SND1: variants seen among roughly 807,000 people sequenced by gnomAD.
The protein encoded by SND1 is staphylococcal nuclease domain-containing protein 1.
In SND1, 38 loss-of-function variants were observed where a neutral mutation model predicts 121.7. That is an observed-to-expected ratio of 0.31 (90% CI 0.24 to 0.41). The LOEUF (loss-of-function observed/expected upper bound fraction) is 0.41, where lower values mean the gene tolerates loss of function less well. Ranked by LOEUF, SND1 falls within the 10% of genes least tolerant of loss-of-function variation. The pLI, the probability that SND1 is intolerant of heterozygous loss-of-function variation, is 1.00. For missense variants in SND1, 868 were observed against 1,184.6 expected, an observed-to-expected ratio of 0.73 and a Z score of 3.92; for synonymous variants, 401 against 447.4, an observed-to-expected ratio of 0.90 and a Z score of 1.31.
chr7:127,858,017 T>C, intron 12 of SND1: 1 of 1,452,328 alleles, frequency 6.9e-7, no homozygotes, highest in South Asian at 1.1e-5. Flanking sequence ...TTCTCCCACT[T>C]ATATTCCCAC....
intron 16 of SND1, among the ~76,000 whole-genome samples, chr7:128,045,098 A>G (rs1352575223): frequency 6.6e-6 from 1 of 152,244 alleles, no homozygotes; most frequent in Non-Finnish European, 1.5e-5. Flanking sequence ...AGAAAAAAGC[A>G]AAAGGAGCTC....
At chr7:127,695,320 T>C (rs1363919300) in intron 3 of SND1, among the ~76,000 whole-genome samples, 1 of 152,216 alleles carries the variant, frequency 6.6e-6, no homozygotes. Flanking sequence ...ATCTATCTTG[T>C]GGCTTTTCTT....
chr7:127,739,080 C>A (rs1327441655), intron 10 of SND1, among the ~76,000 whole-genome samples: 1 of 152,126 alleles, frequency 6.6e-6, no homozygotes, highest in Non-Finnish European at 1.5e-5. Context: ...TGAAACAGAG[C>A]AGTGGGTTTG....
intron 10 of SND1, among the ~76,000 whole-genome samples, chr7:127,769,605 T>A (rs1409633903): frequency 6.6e-6 from 1 of 152,166 alleles, no homozygotes; most frequent in African/African-American, 2.4e-5. Context: ...GTTTATTCCA[T>A]GTATCTTGTT....
chr7:128,029,027 CAG>C lies in SND1; in HGVS notation c.1779+37974_1779+37975del. On this transcript the variant is annotated intron_variant, in intron 16 of 23. Coordinates refer to ENST00000354725, the MANE Select transcript of SND1 (RefSeq NM_014390.4). The surrounding 1 kb of genome is among the most constrained non-coding windows in gnomAD (Gnocchi z 4.2). ...AGACAATCAACATGGCGGCAGCTAG[CAG>C]AGTCACTGCCACAAAGCAGCCAATG... The C allele has an allele frequency of 6.2e-7, 1 of 1,613,984 alleles. No homozygotes were observed. Among genetic ancestry groups the C allele is most frequent in the Non-Finnish European group, 8.5e-7 (1 of 1,179,984 alleles).
At chr7:127,755,576 C>T (rs527402874) in intron 10 of SND1, among the ~76,000 whole-genome samples, 1 of 152,194 alleles carries the variant, frequency 6.6e-6, no homozygotes, top group African/African-American at 2.4e-5. Context: ...GGTGCTTTGG[C>T]ATTTGGGAGT....
intron 14 of SND1, among the ~76,000 whole-genome samples, chr7:127,911,285 G>A (rs1304036177): frequency 1.3e-5 from 2 of 152,184 alleles, no homozygotes; most frequent in Non-Finnish European, 2.9e-5. Context: ...TGCCAAAGTG[G>A]CAGCCACCTC....
intron 15 of SND1, among the ~76,000 whole-genome samples, chr7:127,983,787 G>A (rs6467154): frequency 0.059 from 8,941 of 152,146 alleles, 773 homozygotes; most frequent in African/African-American, 0.19. Context: ...TGTAAGCAGA[G>A]GAGTGGACTT....
In SND1 at chr7:127,750,285, C is replaced by G. The variant is rs559658075; in HGVS notation, c.1152+28885C>G. 2.6e-4 allele frequency among the ~76,000 whole-genome samples: 39 copies of G among 152,248 alleles called. 2 individuals are homozygous for G. The highest frequency in any genetic ancestry group is 9.4e-4 in the African/African-American group (39 of 41,552). ...AGGGCTGAAGGTTGATTTGGAGGAT[C>G]TGTAGGTCTTCCCTATGCTGGTTCT... On this transcript the variant is annotated intron_variant, in intron 10 of 23. Transcript: ENST00000354725.
At chr7:127,735,721 G>A (rs904648454) in intron 10 of SND1, among the ~76,000 whole-genome samples, 2 of 152,108 alleles carry the variant, frequency 1.3e-5, no homozygotes, top group African/African-American at 2.4e-5. Flanking sequence ...CCACCTCCCG[G>A]GTTCAAGTGA....
chr7:127,715,008 T>C (rs750490092), intron 9 of SND1, among the ~76,000 whole-genome samples: 5 of 152,218 alleles, frequency 3.3e-5, no homozygotes, highest in Admixed American at 6.5e-5. Context: ...ATTTTGAGTT[T>C]GTACCCAAAA....
At chr7:128,070,457 C>T (rs1308088473) in intron 16 of SND1, among the ~76,000 whole-genome samples, 5 of 152,242 alleles carry the variant, frequency 3.3e-5, no homozygotes, top group African/African-American at 1.2e-4. Flanking sequence ...TCACCTAAGT[C>T]ACCTAAGGCC....
chr7:127,837,607 C>T (rs1401737766), intron 11 of SND1, among the ~76,000 whole-genome samples: 2 of 152,202 alleles, frequency 1.3e-5, no homozygotes, highest in Admixed American at 1.3e-4. Context: ...GAGGTAAGCT[C>T]AGAGCATGCC....
chr7:127,840,259 A>C (rs1431383207), intron 11 of SND1, among the ~76,000 whole-genome samples: 2 of 152,218 alleles, frequency 1.3e-5, no homozygotes, highest in Non-Finnish European at 2.9e-5. Flanking sequence ...TTCTAGAGTG[A>C]AATGATGCTC....
rs11768922 is a variant in SND1, at chr7:127,911,630, T to C, written c.1527+6811T>C. Among the ~76,000 whole-genome samples, 388 of 152,306 alleles carry C rather than the reference T, an allele frequency of 2.5e-3. 1 individual carries two copies. The highest frequency in any genetic ancestry group is 4.1e-3 in the Non-Finnish European group (279 of 68,024). On this transcript the variant is annotated intron_variant, in intron 14 of 23. Coordinates refer to ENST00000354725, the MANE Select transcript of SND1 (RefSeq NM_014390.4). ...TCTGCCTCCCAGGTTCAAGCAATTCTCCTGCCTCAGCCTCCTGAGTAGCTG... is the reference window on the plus strand; with the variant it reads ...TCTGCCTCCCAGGTTCAAGCAATTCCCCTGCCTCAGCCTCCTGAGTAGCTG...
chr7:128,072,203 G>A (rs1793425220), intron 16 of SND1, among the ~76,000 whole-genome samples: 1 of 152,196 alleles, frequency 6.6e-6, no homozygotes, highest in African/African-American at 2.4e-5. Flanking sequence ...TGCCTGGTTG[G>A]TTGCCTCTGC....
Position 127,677,110 on chromosome 7 carries a change from T to C in SND1, c.79-9503T>C, listed in dbSNP as rs963218036. 4.6e-5 allele frequency among the ~76,000 whole-genome samples: 7 copies of C among 152,312 alleles called. No individual in the cohort carries two copies. In the East Asian group the frequency reaches 7.7e-4, roughly 17 times the overall value. The stretch of plus-strand genomic sequence containing the variant: ...CTATTGTACATACTCTTCCAGTCTT[T>C]ATAGCAGACCACACTTTGAGCCATT... On this transcript the variant is annotated intron_variant, in intron 1 of 23. Coordinates refer to ENST00000354725, the MANE Select transcript of SND1 (RefSeq NM_014390.4).
intron 10 of SND1, among the ~76,000 whole-genome samples, chr7:127,764,038 CAAAAAAAA>C (rs60053474): frequency 5.2e-5 from 4 of 76,516 alleles, no homozygotes; most frequent in Non-Finnish European, 1.1e-4. Flanking sequence ...GACCCTGTCG[CAAAAAAAA>C]AAAAAACAAA....
intron 13 of SND1, among the ~76,000 whole-genome samples, chr7:127,894,198 C>G (rs1800071815): frequency 6.6e-6 from 1 of 152,006 alleles, no homozygotes; most frequent in Admixed American, 6.6e-5. Flanking sequence ...TTTCTAAGTT[C>G]CATATGTTTG....
Sources: gnomAD v4.1 joint callset for allele counts (sites outside exome capture counted in the v4.1 genomes callset) on GRCh38, gnomAD v4.1.1 for gene constraint, Gnocchi (gnomAD v3.1) non-coding constraint, MANE v1.5 for transcripts, NCBI Gene and HGNC (gene_info 2026-07-23, HGNC 2026-07-21) for gene names.